The following SEMA4A variants were observed in gnomAD, a reference collection of about 807,000 sequenced individuals.
SEMA4A encodes the protein semaphorin 4A.
A neutral mutation model predicts 72.5 loss-of-function variants in SEMA4A; 52 were observed. The observed-to-expected ratio is 0.72, with a 90% CI of 0.57 to 0.90. The LOEUF (loss-of-function observed/expected upper bound fraction) is 0.90, where lower values mean the gene tolerates loss of function less well. Ranked by LOEUF, SEMA4A falls within the 40% of genes least tolerant of loss-of-function variation. The pLI, the probability that SEMA4A is intolerant of heterozygous loss-of-function variation, is 0.00. For synonymous variants in SEMA4A, 369 were observed against 393.1 expected (o/e 0.94, Z 0.73); for missense variants, 926 against 959.7 (o/e 0.96, Z 0.46).
chr1:156,177,486 C>G lies in SEMA4A; in HGVS notation c.*489C>G, dbSNP rs1418371643. The G allele has an allele frequency of 4.4e-6, 1 of 229,004 alleles. No homozygotes were observed. Among genetic ancestry groups the G allele is most frequent in the Non-Finnish European group, 8.8e-6 (1 of 113,448 alleles). The allele number at this position is 229,004 out of a possible 1,614,324, so 14.2% of individuals were successfully genotyped here. ...CCCAGGGTCATGCAGGGATCTGCTC[C>G]CTCCTGCTTCCCTTACCAGTCGTGC... On this transcript the variant is annotated 3_prime_UTR_variant, in exon 15 of 15. Transcript: ENST00000368285.
At chr1:156,176,272 G>C (rs1341268113) in intron 14 of SEMA4A, 133 bp from the exon 15 acceptor site, 6 of 703,998 alleles carry the variant, frequency 8.5e-6, no homozygotes, top group Non-Finnish European at 1.4e-5. Flanking sequence ...CTCCAGCCTG[G>C]GCAATAGAGC....
intron 4 of SEMA4A, 42 bp from the exon 5 acceptor site, chr1:156,158,346 G>T: frequency 6.6e-7 from 1 of 1,520,530 alleles, no homozygotes; most frequent in Non-Finnish European, 9.1e-7. Context: ...CCAGCAATTT[G>T]AGTCAGGTGG....
chr1:156,153,916 C>G (rs899028057), intron 1 of SEMA4A, among the ~76,000 whole-genome samples, 152 bp downstream of exon 1: 12 of 152,148 alleles, frequency 7.9e-5, no homozygotes, highest in Non-Finnish European at 1.5e-4. Context: ...CCGGGAAATG[C>G]TGATAACCAA....
chr1:156,173,070 A>G (rs1042597992), intron 11 of SEMA4A, 64 bp downstream of exon 11: 1 of 1,504,046 alleles, frequency 6.6e-7, no homozygotes, highest in Non-Finnish European at 9.1e-7. Flanking sequence ...CAGGTTGAGG[A>G]GGGAAACCCT....
At chr1:156,171,313 C>T (rs902625907) in intron 10 of SEMA4A, among the ~76,000 whole-genome samples, 12 of 152,188 alleles carry the variant, frequency 7.9e-5, no homozygotes, top group Non-Finnish European at 1.6e-4. Flanking sequence ...ACAGCATCCT[C>T]ATATTAGCAG....
intron 10 of SEMA4A, among the ~76,000 whole-genome samples, chr1:156,170,185 C>T (rs1384812824): frequency 6.6e-6 from 1 of 151,908 alleles, no homozygotes; most frequent in Non-Finnish European, 1.5e-5. Flanking sequence ...TAGCTGGGTC[C>T]AGGCGTGGTG....
chr1:156,147,651 C>T (rs1329891529), upstream of SEMA4A, among the ~76,000 whole-genome samples: 1 of 152,202 alleles, frequency 6.6e-6, no homozygotes, highest in East Asian at 1.9e-4. Flanking sequence ...CCTCCCTCCA[C>T]TCCCCCATCT....
rs143873773 is a variant in SEMA4A at position 156,156,806 on chromosome 1, C to T, written c.300+232C>T. Among the ~76,000 whole-genome samples the T allele has an allele frequency of 3.5e-3, 520 of 150,192 alleles. 3 individuals carry two copies. Among genetic ancestry groups the T allele is most frequent in the African/African-American group, 0.012 (485 of 40,726 alleles). ...TTGCCCAGGCTGGAGTACAGTGGCA[C>T]GATCTTGGCTCACTGCAACCTCCGC... is the stretch of plus-strand genomic sequence containing the variant. On this transcript the variant is annotated intron_variant, in intron 3 of 14. Coordinates refer to ENST00000368285, the MANE Select transcript of SEMA4A (RefSeq NM_022367.4).
chr1:156,161,600 T>G, intron 9 of SEMA4A, 82 bp downstream of exon 9: 1 of 1,495,880 alleles, frequency 6.7e-7, no homozygotes, highest in South Asian at 1.2e-5. Flanking sequence ...GAGGCAGGAA[T>G]TGACATGAGC....
In SEMA4A at chr1:156,175,629, C is replaced by G; in HGVS notation, c.1666C>G (p.Leu556Val). ...TGCCAGTGGCCCCATGAGCAGGAGC[C>G]TTCGGCCTCAGAGCCGCCCGCAAAT... ...ACASGPMSRSLRPQSRPQIIK... is the reference protein window; with the variant it reads ...ACASGPMSRSVRPQSRPQIIK... Residue 556 changes from leucine (L) to valine (V), a missense_variant, in exon 14 of 15, where the codon CTT becomes GTT. Physicochemically the swap from Leu to Val is conservative, Grantham distance 32. Coordinates refer to ENST00000368285, the MANE Select transcript of SEMA4A (RefSeq NM_022367.4). The G allele has an allele frequency of 6.2e-7, 1 of 1,611,578 alleles. No individual in the cohort carries two copies.
intron 8 of SEMA4A, 85 bp downstream of exon 8, chr1:156,161,114 A>C: frequency 8.0e-7 from 1 of 1,257,428 alleles, no homozygotes. Flanking sequence ...GTGGGCCCCC[A>C]GTGAGAGCGG....
chr1:156,153,956 T>A (rs1346581351), intron 1 of SEMA4A, among the ~76,000 whole-genome samples, 192 bp downstream of exon 1: 1 of 152,104 alleles, frequency 6.6e-6, no homozygotes. Flanking sequence ...ATTGCCTCCC[T>A]GGAAGTATCA....
intron 4 of SEMA4A, 25 bp from the exon 5 acceptor site, chr1:156,158,363 G>C (rs767228140): frequency 4.0e-5 from 64 of 1,583,996 alleles, no homozygotes; most frequent in Non-Finnish European, 5.0e-5. Context: ...GTGGCCTGGA[G>C]ACCTAAATTC....
At chr1:156,156,211 C>T in intron 2 of SEMA4A, 1 of 615,356 alleles carries the variant, frequency 1.6e-6, no homozygotes, top group Non-Finnish European at 3.0e-6. Flanking sequence ...GCTGCCTCTC[C>T]TCTCTACTGC....
At chr1:156,171,103 A>G (rs1337912137) in intron 10 of SEMA4A, among the ~76,000 whole-genome samples, 2 of 152,198 alleles carry the variant, frequency 1.3e-5, no homozygotes, top group Non-Finnish European at 2.9e-5. Flanking sequence ...ACATGAGAGT[A>G]GGTGCATGTG....
rs1279342154 is a variant in SEMA4A at position 156,164,123 on chromosome 1, A to G, written c.1134+1029A>G. Among the ~76,000 whole-genome samples, 8 of 152,290 alleles carry G rather than the reference A, an allele frequency of 5.3e-5. No homozygotes were observed. The East Asian group carries it at 1.3e-3, about 26-fold the overall frequency. ...TTTCTCCTCTACAAAAAGAGAAAAA[A>G]TCAGAGCTATTATATGTACATGATT... On this transcript the variant is annotated intron_variant, in intron 10 of 14. Coordinates refer to ENST00000368285, the MANE Select transcript of SEMA4A (RefSeq NM_022367.4).
intron 1 of SEMA4A, 178 bp from the exon 2 acceptor site, chr1:156,154,372 G>T: frequency 1.6e-6 from 1 of 616,748 alleles, no homozygotes. Context: ...AGGCCTGGAA[G>T]GATGATGAAA....
intron 5 of SEMA4A, 23 bp downstream of exon 5, chr1:156,158,509 C>G (rs1304685637): frequency 1.3e-6 from 2 of 1,567,616 alleles, no homozygotes; most frequent in South Asian, 2.2e-5. Flanking sequence ...GTGCCCAGCG[C>G]TCAGGCCCCC....
Position 156,177,058 on chromosome 1 carries a change from A to G in SEMA4A, c.*61A>G. The G allele has an allele frequency of 7.0e-7, 1 of 1,434,102 alleles. No homozygotes were observed. The highest frequency in any genetic ancestry group is 9.7e-7 in the Non-Finnish European group (1 of 1,031,996). The allele number at this position is 1,434,102 out of a possible 1,614,324, so 88.8% of individuals were successfully genotyped here. Reference sequence around the variant, plus strand: ...CTGGCCATGCTGGCTGGGCGGCCCAAGCACAGCCCTGACTAGGATGACAGC... The same window carrying G: ...CTGGCCATGCTGGCTGGGCGGCCCAGGCACAGCCCTGACTAGGATGACAGC... On this transcript the variant is annotated 3_prime_UTR_variant, in exon 15 of 15. Transcript: ENST00000368285.
Sources: gnomAD v4.1 joint callset for allele counts (sites outside exome capture counted in the v4.1 genomes callset) on GRCh38, gnomAD v4.1.1 for gene constraint, MANE v1.5 for transcripts, NCBI Gene and HGNC (gene_info 2026-07-23, HGNC 2026-07-21) for gene names.